SCHIP1: variants seen among roughly 807,000 people sequenced by gnomAD.
SCHIP1 encodes schwannomin interacting protein 1, also known as schwannomin-interacting protein 1.
SCHIP1 carries 8 observed loss-of-function variants against 29.7 expected under a neutral mutation model. That is an observed-to-expected ratio of 0.27 (90% confidence interval 0.16 to 0.49). SCHIP1 has a LOEUF of 0.49. Ranked by LOEUF, SCHIP1 falls within the 20% of genes least tolerant of loss-of-function variation. The pLI is 0.99. For synonymous variants in SCHIP1, 76 were observed against 94.9 expected, an observed-to-expected ratio of 0.80 and a Z score of 1.16; for missense variants, 193 against 294.6, an observed-to-expected ratio of 0.66 and a Z score of 2.52.
chr3:159,881,476 C>T (rs954726465), intron 2 of SCHIP1, among the ~76,000 whole-genome samples: 1 of 152,170 alleles, frequency 6.6e-6, no homozygotes, highest in Non-Finnish European at 1.5e-5. Context: ...AATGCATGTT[C>T]GAAGTCCCTG....
chr3:159,323,030 T>C, the SCHIP1 span, among the ~76,000 whole-genome samples: 1 of 152,232 alleles, frequency 6.6e-6, no homozygotes, highest in Non-Finnish European at 1.5e-5. Flanking sequence ...GCAGCATTCC[T>C]GATAGCGGCG....
the SCHIP1 span, among the ~76,000 whole-genome samples, chr3:159,724,784 C>T: frequency 6.6e-6 from 1 of 152,188 alleles, no homozygotes; most frequent in African/African-American, 2.4e-5. Flanking sequence ...TTAAAGAAGA[C>T]ACAATTCAGT....
the SCHIP1 span, among the ~76,000 whole-genome samples, chr3:159,828,409 G>T: frequency 3.1e-5 from 1 of 31,836 alleles, no homozygotes; most frequent in African/African-American, 2.5e-4. Flanking sequence ...ATATATATAC[G>T]TATATATACG....
chr3:159,569,343 G>T, the SCHIP1 span, among the ~76,000 whole-genome samples: 1 of 152,108 alleles, frequency 6.6e-6, no homozygotes, highest in Non-Finnish European at 1.5e-5. Flanking sequence ...ACAGGCCCCA[G>T]TGTGTGATGT....
the SCHIP1 span, among the ~76,000 whole-genome samples, chr3:159,666,348 G>C: frequency 6.6e-6 from 1 of 152,168 alleles, no homozygotes; most frequent in East Asian, 1.9e-4. Flanking sequence ...CTTTTTCCAA[G>C]ACAAAGTAGG....
chr3:159,558,858 A>G, the SCHIP1 span, among the ~76,000 whole-genome samples: 1 of 152,152 alleles, frequency 6.6e-6, no homozygotes. Flanking sequence ...AAGAGCAGAA[A>G]CTACCCCATT....
the SCHIP1 span, among the ~76,000 whole-genome samples, chr3:159,818,015 A>T: frequency 6.6e-6 from 1 of 152,188 alleles, no homozygotes; most frequent in Non-Finnish European, 1.5e-5. Flanking sequence ...GCTGCAGTAG[A>T]CTGAAGCCTA....
chr3:159,878,981 T>G (rs1321641135), intron 2 of SCHIP1, among the ~76,000 whole-genome samples: 1 of 151,376 alleles, frequency 6.6e-6, no homozygotes, highest in African/African-American at 2.4e-5. Context: ...CTCCATATTT[T>G]TGTTTATAAA....
chr3:159,396,919 T>C, the SCHIP1 span, among the ~76,000 whole-genome samples: 6 of 148,926 alleles, frequency 4.0e-5, no homozygotes, highest in African/African-American at 9.8e-5. Context: ...AGAGTGTTTT[T>C]CAACTTGGTT....
At chr3:159,367,398 C>CA in the SCHIP1 span, among the ~76,000 whole-genome samples, 5,952 of 128,028 alleles carry the variant, frequency 0.046, 141 homozygotes, top group African/African-American at 0.056. Context: ...AACTCCATCT[C>CA]AAAAAAAAAA....
At chr3:159,663,853 G>A in the SCHIP1 span, among the ~76,000 whole-genome samples, 1,063 of 152,112 alleles carry the variant, frequency 7.0e-3, 4 homozygotes, top group Admixed American at 0.015. Flanking sequence ...GCAGTTCCTC[G>A]CTCACAAAAA....
chr3:159,392,343 G>T, the SCHIP1 span, among the ~76,000 whole-genome samples: 2 of 151,990 alleles, frequency 1.3e-5, no homozygotes, highest in Admixed American at 6.6e-5. Flanking sequence ...TAAGTTTTAG[G>T]GTACATGTGC....
the SCHIP1 span, among the ~76,000 whole-genome samples, chr3:159,377,662 T>C: frequency 5.9e-5 from 9 of 152,216 alleles, no homozygotes; most frequent in African/African-American, 1.2e-4. Flanking sequence ...ATTCGAGTAA[T>C]TTTAATTTTT....
the SCHIP1 span, among the ~76,000 whole-genome samples, chr3:159,572,896 A>T: frequency 6.7e-6 from 1 of 149,658 alleles, no homozygotes; most frequent in Non-Finnish European, 1.5e-5. Context: ...TTGTTGGTTT[A>T]AAGTGTGTTT....
chr3:159,787,298 G>C, the SCHIP1 span, among the ~76,000 whole-genome samples: 2 of 152,184 alleles, frequency 1.3e-5, no homozygotes, highest in African/African-American at 4.8e-5. Flanking sequence ...TTAGGTGTTG[G>C]TTGTCTTTGT....
chr3:159,584,143 C>A, the SCHIP1 span, among the ~76,000 whole-genome samples: 1 of 152,140 alleles, frequency 6.6e-6, no homozygotes, highest in Non-Finnish European at 1.5e-5. Flanking sequence ...CATTTTGGTT[C>A]TTTGAGTGCT....
the SCHIP1 span, among the ~76,000 whole-genome samples, chr3:159,292,951 G>C: frequency 2.6e-5 from 4 of 152,042 alleles, no homozygotes; most frequent in Non-Finnish European, 5.9e-5. Flanking sequence ...CTACCCCCTT[G>C]TATTTTTTCT....
At chr3:159,350,411 T>A in the SCHIP1 span, among the ~76,000 whole-genome samples, 1 of 152,166 alleles carries the variant, frequency 6.6e-6, no homozygotes, top group Admixed American at 6.6e-5. Context: ...AAAAAGGGTT[T>A]GTGTTGTAAA....
chr3:159,776,714 A>G, the SCHIP1 span, among the ~76,000 whole-genome samples: 2 of 152,090 alleles, frequency 1.3e-5, no homozygotes, highest in African/African-American at 4.8e-5. Flanking sequence ...TCATATAGAA[A>G]CTCTAAACAA....
Sources: gnomAD v4.1 joint callset for allele counts (sites outside exome capture counted in the v4.1 genomes callset) on GRCh38, gnomAD v4.1.1 for gene constraint, MANE v1.5 for transcripts, NCBI Gene and HGNC (gene_info 2026-07-23, HGNC 2026-07-21) for gene names.